The following ABI1 variants were observed in gnomAD, a reference collection of about 807,000 sequenced individuals.
ABI1 encodes abl interactor 1.
Under a neutral mutation model 54.6 loss-of-function variants are expected in ABI1, and 14 were observed. That is an observed-to-expected ratio of 0.26 (90% CI 0.17 to 0.40). The LOEUF (loss-of-function observed/expected upper bound fraction) is 0.40. Among genes scored for constraint, ABI1 ranks in the 10% least tolerant of loss-of-function variants. ABI1 has a pLI of 1.00. For missense variants in ABI1, 443 were observed against 598.3 expected (o/e 0.74, Z 2.71); for synonymous variants, 194 against 209.3 (o/e 0.93, Z 0.63).
chr10:26,773,108 T>C (rs2132807397), intron 3 of ABI1, among the ~76,000 whole-genome samples: 1 of 152,112 alleles, frequency 6.6e-6, no homozygotes, highest in East Asian at 1.9e-4. Context: ...GGATGAGTAA[T>C]TTTACCATTT....
rs530823027 is a variant in ABI1 at position 26,784,402 on chromosome 10, A to C, written c.286-7161T>G. 3.3e-5 allele frequency among the ~76,000 whole-genome samples: 5 copies of C among 152,328 alleles called. No homozygotes were observed. The East Asian group carries it at 9.7e-4, about 29-fold the overall frequency. On this transcript the variant is annotated intron_variant, in intron 2 of 10. Transcript: ENST00000376140. ...AGGACAGATTGGACTGACTGCCTTC[A>C]GGCCATCTCTCCACAAACCAGTACT...
intron 2 of ABI1, among the ~76,000 whole-genome samples, chr10:26,795,012 C>T (rs1007535329): frequency 5.3e-5 from 8 of 151,942 alleles, no homozygotes; most frequent in Non-Finnish European, 5.9e-5. Context: ...GGCATGGTGG[C>T]GCACGCCTGT....
intron 10 of ABI1, among the ~76,000 whole-genome samples, chr10:26,749,765 T>A (rs889977477): frequency 4.6e-5 from 7 of 152,238 alleles, no homozygotes; most frequent in Non-Finnish European, 1.0e-4. Context: ...CCACGCAATT[T>A]TTGTAAATAA....
intron 6 of ABI1, among the ~76,000 whole-genome samples, chr10:26,767,989 T>C (rs544777880): frequency 6.6e-6 from 1 of 151,974 alleles, no homozygotes; most frequent in African/African-American, 2.4e-5. Context: ...GAAGTTGCAG[T>C]GAGCCGAGAT....
chr10:26,753,222 A>G (rs1468718921), intron 9 of ABI1, among the ~76,000 whole-genome samples: 1 of 152,082 alleles, frequency 6.6e-6, no homozygotes, highest in Non-Finnish European at 1.5e-5. Context: ...TCACTATAAC[A>G]CCTATCAAAC....
intron 3 of ABI1, 26 bp from the exon 4 acceptor site, chr10:26,771,115 G>GA: frequency 2.5e-6 from 4 of 1,612,844 alleles, no homozygotes; most frequent in Non-Finnish European, 2.5e-6. Context: ...AAAAGGGGGG[G>GA]AAAAAGTAGA....
chr10:26,842,572 C>A (rs967460632), intron 1 of ABI1, among the ~76,000 whole-genome samples: 22 of 152,120 alleles, frequency 1.4e-4, no homozygotes, highest in Middle Eastern at 3.2e-3. Context: ...ACCCTCTCCC[C>A]CTAAAAAGAT....
intron 1 of ABI1, among the ~76,000 whole-genome samples, chr10:26,827,123 C>T (rs1473302783): frequency 6.6e-6 from 1 of 152,042 alleles, no homozygotes; most frequent in Non-Finnish European, 1.5e-5. Flanking sequence ...TCATGTTGTC[C>T]AGGCTGGTCT....
chr10:26,857,560 C>T (rs2050926696), intron 1 of ABI1, among the ~76,000 whole-genome samples: 1 of 151,200 alleles, frequency 6.6e-6, no homozygotes, highest in East Asian at 1.9e-4. Context: ...GGGAGGATCT[C>T]CAGAGCCCAG....
chr10:26,757,204 GTAC>G (rs148369475), intron 8 of ABI1, among the ~76,000 whole-genome samples: 8 of 151,512 alleles, frequency 5.3e-5, no homozygotes, highest in Admixed American at 6.6e-5. Flanking sequence ...AAACATTCAC[GTAC>G]TACTACTACT....
At chr10:26,843,962 A>G (rs2049786230) in intron 1 of ABI1, among the ~76,000 whole-genome samples, 1 of 152,204 alleles carries the variant, frequency 6.6e-6, no homozygotes, top group Non-Finnish European at 1.5e-5. Context: ...TGTCTAGACA[A>G]ATGAACAGAA....
chr10:26,815,967 C>T (rs1315199293), intron 2 of ABI1, among the ~76,000 whole-genome samples: 1 of 152,126 alleles, frequency 6.6e-6, no homozygotes, highest in Non-Finnish European at 1.5e-5. Context: ...AATAATCGCA[C>T]AAAGCAGAAA....
At chr10:26,781,580 G>A (rs1842115190) in intron 2 of ABI1, among the ~76,000 whole-genome samples, 1 of 152,166 alleles carries the variant, frequency 6.6e-6, no homozygotes, top group African/African-American at 2.4e-5. Flanking sequence ...TGTTCCACGG[G>A]CAAAACTCAA....
intron 6 of ABI1, among the ~76,000 whole-genome samples, chr10:26,767,480 T>C (rs1330701502): frequency 2.0e-5 from 3 of 152,306 alleles, no homozygotes; most frequent in East Asian, 1.9e-4. Flanking sequence ...TTTGGTTATA[T>C]AATAAATTTA....
chr10:26,746,992 TAGA>T lies in ABI1; in HGVS notation c.*1575_*1577del, dbSNP rs1234502500. 2.6e-5 allele frequency: 6 copies of T among 229,014 alleles called. No individual in the cohort carries two copies. Among genetic ancestry groups the T allele is most frequent in the Non-Finnish European group, 5.2e-5 (6 of 115,172 alleles). The allele number at this position is 229,014 out of a possible 1,614,324, so 14.2% of individuals were successfully genotyped here. ...AACAATCCACTTGAAAAATGGAAAG[TAGA>T]AGGTAGCTAGCTGATCACTAATGAT... On this transcript the variant is annotated 3_prime_UTR_variant, in exon 11 of 11. Coordinates refer to ENST00000376140, the MANE Select transcript of ABI1 (RefSeq NM_001012750.3).
chr10:26,795,076 G>A (rs560953832), intron 2 of ABI1, among the ~76,000 whole-genome samples: 5 of 151,590 alleles, frequency 3.3e-5, no homozygotes, highest in South Asian at 2.1e-4. Context: ...CCAAGGAGGC[G>A]GAGATTGCAG....
intron 1 of ABI1, chr10:26,839,651 T>TA (rs1554831131): frequency 0.2 from 101,501 of 512,518 alleles, 2,096 homozygotes; most frequent in Admixed American, 0.24. Context: ...TACTTCTGTT[T>TA]AAAAAAAAAA....
chr10:26,804,670 T>C (rs1227238738), intron 2 of ABI1, among the ~76,000 whole-genome samples: 1 of 152,204 alleles, frequency 6.6e-6, no homozygotes, highest in African/African-American at 2.4e-5. Context: ...AGCAATTCCT[T>C]ATTTAATCTC....
chr10:26,762,011 C>A (rs561131350), intron 7 of ABI1, among the ~76,000 whole-genome samples: 1 of 151,870 alleles, frequency 6.6e-6, no homozygotes, highest in African/African-American at 2.4e-5. Flanking sequence ...TTCTTGAAGC[C>A]TTGTGTTTTG....
Sources: allele counts gnomAD v4.1 joint callset (sites outside exome capture counted in the v4.1 genomes callset), GRCh38; gene constraint gnomAD v4.1.1; transcripts MANE v1.5; gene names NCBI Gene and HGNC (gene_info 2026-07-23, HGNC 2026-07-21).